Variants in RASGEF1C observed in about 807,000 individuals in gnomAD.
RASGEF1C encodes the protein RasGEF domain family member 1C, also known as ras-GEF domain-containing family member 1C.
Under a neutral mutation model 58.1 loss-of-function variants are expected in RASGEF1C, and 27 were observed. The observed-to-expected ratio is 0.46, with a 90% CI of 0.34 to 0.64. The LOEUF is 0.64. Among genes scored for constraint, RASGEF1C ranks in the 30% least tolerant of loss-of-function variants. The probability of loss-of-function intolerance (pLI) is 0.01; values close to 1 mark genes in which losing one functional copy is unlikely to be tolerated. For synonymous variants in RASGEF1C, 243 were observed against 246.3 expected, an observed-to-expected ratio of 0.99 and a Z score of 0.13; for missense variants, 502 against 605.1, an observed-to-expected ratio of 0.83 and a Z score of 1.79.
At position 180,143,430 on chromosome 5, in the gene RASGEF1C, T is replaced by C. The variant is rs1766614520; in HGVS notation, c.-6-5372A>G. ...AAGATGGATGTGCATTCTCCTGCTA[T>C]TCCAGTGGGTGCTGGAAAGAGGTAA... On this transcript the variant is annotated intron_variant, in intron 1 of 13. Transcript: ENST00000361132. The surrounding 1 kb of genome is among the most constrained non-coding windows in gnomAD (Gnocchi z 4.3). Among the ~76,000 whole-genome samples the C allele has an allele frequency of 6.6e-6, 1 of 152,176 alleles. No homozygotes were observed. Among genetic ancestry groups the C allele is most frequent in the African/African-American group, 2.4e-5 (1 of 41,442 alleles).
chr5:180,205,688 A>G (rs1254824364), intron 1 of RASGEF1C, among the ~76,000 whole-genome samples: 1 of 149,420 alleles, frequency 6.7e-6, no homozygotes. Flanking sequence ...AATGGTCTTG[A>G]ATAAAGTCCT....
intron 1 of RASGEF1C, among the ~76,000 whole-genome samples, chr5:180,172,671 G>A (rs1428170873): frequency 2.6e-5 from 4 of 152,056 alleles, no homozygotes; most frequent in Admixed American, 1.3e-4. Context: ...CCAGAGCTTC[G>A]GGCTCCCAGC....
chr5:180,111,406 AC>A, intron 12 of RASGEF1C, 50 bp downstream of exon 12: 1 of 1,612,756 alleles, frequency 6.2e-7, no homozygotes, highest in Non-Finnish European at 8.5e-7. Flanking sequence ...CTGAGAGGCT[AC>A]CCCAGAGTTC....
intron 1 of RASGEF1C, among the ~76,000 whole-genome samples, chr5:180,174,484 G>GTGTC (rs1554114704): frequency 3.4e-4 from 40 of 118,738 alleles, no homozygotes; most frequent in African/African-American, 5.7e-4. Context: ...GTGTGTCTGT[G>GTGTC]TGTGCGCGTG....
chr5:180,135,548 T>C (rs1215506930), intron 4 of RASGEF1C, among the ~76,000 whole-genome samples: 1 of 152,160 alleles, frequency 6.6e-6, no homozygotes, highest in East Asian at 1.9e-4. Flanking sequence ...GCTGATAAAC[T>C]TGCCCCTTCT....
In RASGEF1C at chr5:180,168,728, G is replaced by T. The variant is rs145617363; in HGVS notation, c.-6-30670C>A. Among the ~76,000 whole-genome samples, 399 of 152,274 alleles carry T rather than the reference G, an allele frequency of 2.6e-3. 1 individual carries two copies. The highest frequency in any genetic ancestry group is 4.1e-3 in the Non-Finnish European group (280 of 68,016). On this transcript the variant is annotated intron_variant, in intron 1 of 13. Transcript: ENST00000361132. This position sits in a 1 kb window ranked among gnomAD's most constrained non-coding sequence, Gnocchi z 6.0. ...CCTCTTGGAATTCTGGGCTCCTGTGGGACCTACGCAATGCTCCCATGGGAT... is the reference window on the plus strand; with the variant it reads ...CCTCTTGGAATTCTGGGCTCCTGTGTGACCTACGCAATGCTCCCATGGGAT...
At position 180,136,510 on chromosome 5, in the gene RASGEF1C, C is replaced by T; in HGVS notation, c.306G>A (p.Arg102=). ...GCAGTTTGGGGCCGAACTTCCGGAC[C>T]CGGGCCTACGGGCAAGCGAGGGGCA... is the stretch of plus-strand genomic sequence containing the variant. ...QLDKPVLDKA[R]VRKFGPKLLQ... is the part of the protein sequence containing the mutation. Residue 102 remains arginine (R), a synonymous_variant, in exon 4 of 14, where the codon CGG becomes CGA. Transcript: ENST00000361132. The T allele has an allele frequency of 1.9e-6, 3 of 1,570,754 alleles. No individual in the cohort carries two copies. In the South Asian group the frequency reaches 3.5e-5, roughly 18 times the overall value.
intron 1 of RASGEF1C, among the ~76,000 whole-genome samples, chr5:180,152,450 A>C (rs564300321): frequency 6.6e-6 from 1 of 151,858 alleles, no homozygotes; most frequent in African/African-American, 2.4e-5. Context: ...ATTCTCAGCA[A>C]ACTATCGCAA....
At chr5:180,102,002 CGCGA>C in intron 13 of RASGEF1C, 65 bp downstream of exon 13, 7 of 776,392 alleles carry the variant, frequency 9.0e-6, no homozygotes, top group Non-Finnish European at 1.5e-5. Flanking sequence ...CCCACCTCGG[CGCGA>C]AGACTCACCT....
At chr5:180,171,342 C>T (rs574805226) in intron 1 of RASGEF1C, among the ~76,000 whole-genome samples, 9 of 152,126 alleles carry the variant, frequency 5.9e-5, no homozygotes, top group Admixed American at 2.6e-4. Flanking sequence ...GCAGCAGCCT[C>T]GTGTTCAGAC....
At position 180,121,812 on chromosome 5, in the gene RASGEF1C, T is replaced by C. The variant is rs200056483; in HGVS notation, c.715-663A>G. Reference sequence around the variant, plus strand: ...TGCGGTGGCAAAAATATCGAAGTCATGAGCGTCCGCAAGCATCTCCAGAGG... The same window carrying C: ...TGCGGTGGCAAAAATATCGAAGTCACGAGCGTCCGCAAGCATCTCCAGAGG... On this transcript the variant is annotated intron_variant, in intron 6 of 13. Coordinates refer to ENST00000361132, the MANE Select transcript of RASGEF1C (RefSeq NM_175062.4). Among the ~76,000 whole-genome samples, 399 of 152,336 alleles carry C rather than the reference T, an allele frequency of 2.6e-3. 4 individuals carry two copies. The highest frequency in any genetic ancestry group is 4.1e-3 in the Non-Finnish European group (276 of 68,034).
At chr5:180,173,994 G>A (rs10455080) in intron 1 of RASGEF1C, among the ~76,000 whole-genome samples, 2,491 of 151,770 alleles carry the variant, frequency 0.016, 33 homozygotes, top group Middle Eastern at 0.027. Flanking sequence ...GGGTTGGGGG[G>A]CCCAGACGTG....
Position 180,137,455 on chromosome 5 carries a change from A to G in RASGEF1C, c.300+135T>C. 8.1e-7 allele frequency: 1 copy of G among 1,231,484 alleles called. No homozygotes were observed. 76.3% of individuals were successfully genotyped at this position (1,231,484 alleles called of 1,614,324 possible). On this transcript the variant is annotated intron_variant, in intron 3 of 13. Coordinates refer to ENST00000361132, the MANE Select transcript of RASGEF1C (RefSeq NM_175062.4). This position sits in a 1 kb window ranked among gnomAD's most constrained non-coding sequence, Gnocchi z 4.1. ...TCCTTCTGGCTCTGGGCCTCAGACA[A>G]GGTGGAAACACCCGGTAGCCACCTT...
chr5:180,118,031 G>A (rs1047472015), intron 10 of RASGEF1C, among the ~76,000 whole-genome samples: 1 of 151,042 alleles, frequency 6.6e-6, no homozygotes, highest in Non-Finnish European at 1.5e-5. Context: ...GCTGTGAACA[G>A]GGAGTTTGGG....
intron 1 of RASGEF1C, among the ~76,000 whole-genome samples, chr5:180,172,605 G>T (rs1426284700): frequency 3.3e-5 from 5 of 152,236 alleles, no homozygotes; most frequent in African/African-American, 1.2e-4. Context: ...GCCCCAGCTG[G>T]CAAAGAGCCA....
chr5:180,112,074 T>C (rs1444897561), intron 11 of RASGEF1C, among the ~76,000 whole-genome samples: 2 of 152,152 alleles, frequency 1.3e-5, no homozygotes, highest in African/African-American at 2.4e-5. Flanking sequence ...TCCCCAAAGC[T>C]GGGACCACAC....
rs149783060 is a variant in RASGEF1C at position 180,104,041 on chromosome 5, T to C, written c.1304-1898A>G. The stretch of plus-strand genomic sequence containing the variant: ...AATGAACCCACTTAGTCATGACGTA[T>C]AATTATTTTTACATATTGCTGAACT... On this transcript the variant is annotated intron_variant, in intron 12 of 13. Coordinates refer to ENST00000361132, the MANE Select transcript of RASGEF1C (RefSeq NM_175062.4). 4.3e-3 allele frequency among the ~76,000 whole-genome samples: 662 copies of C among 152,322 alleles called. 4 individuals carry two copies. The highest frequency in any genetic ancestry group is 7.3e-3 in the Non-Finnish European group (499 of 68,028).
In RASGEF1C at chr5:180,186,500, A is replaced by T. The variant is rs188299746; in HGVS notation, c.-7+22528T>A. On this transcript the variant is annotated intron_variant, in intron 1 of 13. Transcript: ENST00000361132. ...GAGGAGAAAGATCTGCAGACTGAAAACTATAAAATATTATTTAAGATAAAT... is the reference window on the plus strand; with the variant it reads ...GAGGAGAAAGATCTGCAGACTGAAATCTATAAAATATTATTTAAGATAAAT... Among the ~76,000 whole-genome samples, 14 of 152,368 alleles carry T rather than the reference A, an allele frequency of 9.2e-5. No individual in the cohort carries two copies. In the East Asian group the frequency reaches 2.7e-3, roughly 29 times the overall value.
At chr5:180,196,091 T>C (rs1756270050) in intron 1 of RASGEF1C, among the ~76,000 whole-genome samples, 1 of 152,168 alleles carries the variant, frequency 6.6e-6, no homozygotes, top group African/African-American at 2.4e-5. Context: ...AAAAATTCAT[T>C]TAAAAACATT....
Sources: allele counts gnomAD v4.1 joint callset (sites outside exome capture counted in the v4.1 genomes callset), GRCh38; gene constraint gnomAD v4.1.1; non-coding constraint Gnocchi (gnomAD v3.1); transcripts MANE v1.5; gene names NCBI Gene and HGNC (gene_info 2026-07-23, HGNC 2026-07-21).